ELMO1: variants seen among roughly 807,000 people sequenced by gnomAD.
The protein encoded by ELMO1 is engulfment and cell motility protein 1.
Under a neutral mutation model 98.9 loss-of-function variants are expected in ELMO1, and 26 were observed. The observed-to-expected ratio is 0.26, with a 90% CI of 0.19 to 0.36. The LOEUF (loss-of-function observed/expected upper bound fraction) is 0.36. ELMO1 is among the 10% of genes least tolerant of loss of function. ELMO1 has a pLI of 1.00. For synonymous variants in ELMO1, 346 were observed against 346.0 expected (o/e 1.00, Z 0.00); for missense variants, 627 against 935.2 (o/e 0.67, Z 4.30).
chr7:37,111,167 C>T (rs964178661), intron 14 of ELMO1, among the ~76,000 whole-genome samples: 2 of 152,170 alleles, frequency 1.3e-5, no homozygotes, highest in African/African-American at 2.4e-5. Context: ...TCTCTGCAGG[C>T]TCCTGCCCTG....
At chr7:37,213,563 G>T in intron 11 of ELMO1, 106 bp from the exon 12 acceptor site, 2 of 1,063,324 alleles carry the variant, frequency 1.9e-6, no homozygotes, top group South Asian at 1.7e-5. Context: ...GAGGTATAAG[G>T]AATGGAGAAG....
chr7:37,054,128 A>G (rs928487129), intron 15 of ELMO1, among the ~76,000 whole-genome samples: 1 of 152,216 alleles, frequency 6.6e-6, no homozygotes, highest in African/African-American at 2.4e-5. Context: ...TCCAAGATAC[A>G]CTATATTTAG....
chr7:37,100,604 C>G (rs2129263989), intron 14 of ELMO1, among the ~76,000 whole-genome samples: 1 of 152,358 alleles, frequency 6.6e-6, no homozygotes, highest in Admixed American at 6.5e-5. Flanking sequence ...GGGGAGAGCC[C>G]AATTCATTCT....
Position 37,211,434 on chromosome 7 carries a change from C to A in ELMO1, c.1038G>T (p.Glu346Asp). ...CTCGCGTGTACATGGACTTGCGTTT[C>A]TCCATGCTGCCACTGCTGTTGTTAG... ...SEPNNSSGSMEKRKSMYTRDY... is the reference protein window; with the variant it reads ...SEPNNSSGSMDKRKSMYTRDY... The change falls in exon 13 of 22, where the codon GAG becomes GAT. Residue 346 changes from glutamate to aspartate, a missense_variant. Physicochemically the swap from Glu to Asp is conservative, Grantham distance 45 (BLOSUM62 2). Transcript: ENST00000310758. 1 of 1,614,046 alleles carries A rather than the reference C, an allele frequency of 6.2e-7. No individual in the cohort carries two copies. Among genetic ancestry groups the A allele is most frequent in the South Asian group, 1.1e-5 (1 of 91,084 alleles).
At chr7:37,068,543 C>G (rs34870838) in intron 15 of ELMO1, among the ~76,000 whole-genome samples, 1 of 152,066 alleles carries the variant, frequency 6.6e-6, no homozygotes, top group African/African-American at 2.4e-5. Context: ...TTAGCATATG[C>G]CTCAGTAAAA....
At chr7:37,388,951 A>G (rs1802943879) in intron 1 of ELMO1, among the ~76,000 whole-genome samples, 2 of 152,242 alleles carry the variant, frequency 1.3e-5, no homozygotes, top group Non-Finnish European at 2.9e-5. Flanking sequence ...CTAAAAATAA[A>G]ACCACATAAT....
At chr7:36,929,447 A>G (rs1785849717) in intron 16 of ELMO1, among the ~76,000 whole-genome samples, 1 of 152,216 alleles carries the variant, frequency 6.6e-6, no homozygotes, top group Non-Finnish European at 1.5e-5. Context: ...GACACAGGTA[A>G]ATACACATCA....
chr7:37,230,028 C>A (rs1199626615), intron 8 of ELMO1, among the ~76,000 whole-genome samples: 2 of 152,164 alleles, frequency 1.3e-5, no homozygotes, highest in African/African-American at 2.4e-5. Flanking sequence ...TTCCTTTCCA[C>A]TCATCACCGA....
intron 16 of ELMO1, among the ~76,000 whole-genome samples, chr7:36,996,398 G>A (rs1257715706): frequency 6.6e-6 from 1 of 151,736 alleles, no homozygotes; most frequent in African/African-American, 2.4e-5. Context: ...TTCAATTTAA[G>A]TAACATTTGT....
At chr7:37,156,839 C>G (rs972316798) in intron 13 of ELMO1, among the ~76,000 whole-genome samples, 7 of 152,158 alleles carry the variant, frequency 4.6e-5, no homozygotes, top group African/African-American at 1.7e-4. Flanking sequence ...CATCCTGACA[C>G]CAAAGCCTGG....
intron 13 of ELMO1, among the ~76,000 whole-genome samples, chr7:37,181,934 C>T (rs1037297248): frequency 2.0e-5 from 3 of 152,140 alleles, no homozygotes; most frequent in African/African-American, 4.8e-5. Flanking sequence ...ACACATAAAA[C>T]TCCTGCTTAG....
At chr7:36,893,647 T>G (rs1805747569) in intron 17 of ELMO1, among the ~76,000 whole-genome samples, 1 of 151,932 alleles carries the variant, frequency 6.6e-6, no homozygotes, top group African/African-American at 2.4e-5. Flanking sequence ...TCTCTCACAT[T>G]GCAAAGAAGC....
intron 13 of ELMO1, among the ~76,000 whole-genome samples, chr7:37,172,152 T>C (rs976294694): frequency 5.3e-5 from 8 of 152,190 alleles, no homozygotes; most frequent in African/African-American, 1.7e-4. Flanking sequence ...GTACACTCTC[T>C]GGAGGAAAAG....
intron 4 of ELMO1, among the ~76,000 whole-genome samples, chr7:37,289,474 G>T (rs959715672): frequency 1.3e-5 from 2 of 152,116 alleles, no homozygotes; most frequent in African/African-American, 4.8e-5. Flanking sequence ...GTTCACTAAC[G>T]CCACAGCACC....
rs1019225258 is a variant in ELMO1 at position 37,172,651 on chromosome 7, T to C, written c.1086+38735A>G. Among the ~76,000 whole-genome samples, 5 of 152,190 alleles carry C rather than the reference T, an allele frequency of 3.3e-5. No individual in the cohort carries two copies. In the East Asian group the frequency reaches 7.7e-4, roughly 23 times the overall value. The stretch of plus-strand genomic sequence containing the variant: ...TTAGGATATTAGAGTCTATAGATAG[T>C]GGTCAAAGGGCTTGTCTTAGGCGAG... On this transcript the variant is annotated intron_variant, in intron 13 of 21. Coordinates refer to ENST00000310758, the MANE Select transcript of ELMO1 (RefSeq NM_014800.11).
intron 16 of ELMO1, among the ~76,000 whole-genome samples, chr7:37,005,569 G>A (rs1446679228): frequency 6.6e-6 from 1 of 151,862 alleles, no homozygotes; most frequent in East Asian, 1.9e-4. Context: ...GCGGGCGCCT[G>A]TAATCTCAGC....
intron 1 of ELMO1, among the ~76,000 whole-genome samples, chr7:37,404,418 A>G (rs369683253): frequency 2.6e-5 from 4 of 152,284 alleles, no homozygotes; most frequent in East Asian, 1.9e-4. Flanking sequence ...ACTCCCCGCC[A>G]TTGGCACAGC....
At chr7:36,998,855 G>A (rs779328955) in intron 16 of ELMO1, among the ~76,000 whole-genome samples, 9 of 152,002 alleles carry the variant, frequency 5.9e-5, no homozygotes, top group South Asian at 4.2e-4. Flanking sequence ...ATGAAAAGGC[G>A]AGCTGGGAAA....
chr7:36,917,976 T>G (rs1384700603), intron 16 of ELMO1, among the ~76,000 whole-genome samples: 1 of 152,230 alleles, frequency 6.6e-6, no homozygotes, highest in Non-Finnish European at 1.5e-5. Context: ...ACTTTCTATA[T>G]AGTCTATATT....
Sources: gnomAD v4.1 joint callset for allele counts (sites outside exome capture counted in the v4.1 genomes callset) on GRCh38, gnomAD v4.1.1 for gene constraint, MANE v1.5 for transcripts, NCBI Gene and HGNC (gene_info 2026-07-23, HGNC 2026-07-21) for gene names.